The following GPC5 variants were observed in gnomAD, a reference collection of about 807,000 sequenced individuals.
The protein encoded by GPC5 is glypican 5.
Under a neutral mutation model 53.9 loss-of-function variants are expected in GPC5, and 47 were observed. The observed-to-expected ratio is 0.87, with a 90% CI of 0.69 to 1.11. The LOEUF (loss-of-function observed/expected upper bound fraction) is 1.11. GPC5 is among the 50% of genes most tolerant of loss of function. The pLI, the probability that GPC5 is intolerant of heterozygous loss-of-function variation, is 0.00. For synonymous variants in GPC5, 286 were observed against 263.3 expected (o/e 1.09, Z -0.84); for missense variants, 748 against 713.1 (o/e 1.05, Z -0.56).
At chr13:92,380,788 T>A (rs1221333245) in intron 7 of GPC5, among the ~76,000 whole-genome samples, 1 of 149,094 alleles carries the variant, frequency 6.7e-6, no homozygotes, top group Non-Finnish European at 1.5e-5. Flanking sequence ...GGGATAGCAC[T>A]GAGAGATATA....
intron 6 of GPC5, among the ~76,000 whole-genome samples, chr13:92,107,088 T>G (rs2041516020): frequency 6.6e-6 from 1 of 152,104 alleles, no homozygotes. Context: ...AGAACACAAT[T>G]TTTCTCACTT....
chr13:92,643,135 G>A (rs1042255853), intron 7 of GPC5, among the ~76,000 whole-genome samples: 3 of 152,132 alleles, frequency 2.0e-5, no homozygotes, highest in Admixed American at 1.3e-4. Context: ...CCCTTTGTCA[G>A]ATGAGGAGGT....
intron 7 of GPC5, among the ~76,000 whole-genome samples, chr13:92,550,360 G>C (rs962885343): frequency 2.0e-5 from 3 of 151,804 alleles, no homozygotes; most frequent in African/African-American, 7.2e-5. Flanking sequence ...TCTCTATTCA[G>C]TATATATGTC....
At chr13:91,608,516 A>G (rs2139289631) in intron 2 of GPC5, among the ~76,000 whole-genome samples, 1 of 152,276 alleles carries the variant, frequency 6.6e-6, no homozygotes, top group South Asian at 2.1e-4. Context: ...AGGTAGAACC[A>G]TAGTGTCCAC....
chr13:92,858,611 C>T (rs773005682), intron 7 of GPC5, among the ~76,000 whole-genome samples: 6 of 152,018 alleles, frequency 3.9e-5, no homozygotes, highest in Non-Finnish European at 8.8e-5. Context: ...TAAATCTTGC[C>T]TACACACAGA....
chr13:92,026,755 C>T (rs2138799653), intron 6 of GPC5, among the ~76,000 whole-genome samples: 1 of 152,104 alleles, frequency 6.6e-6, no homozygotes, highest in African/African-American at 2.4e-5. Flanking sequence ...GTTGGAAACA[C>T]TGTATTGGTG....
chr13:92,594,138 A>G (rs1414277046), intron 7 of GPC5, among the ~76,000 whole-genome samples: 1 of 152,196 alleles, frequency 6.6e-6, no homozygotes, highest in Non-Finnish European at 1.5e-5. Flanking sequence ...ATATAATTCT[A>G]TTTACTGCTA....
At chr13:92,118,533 G>A (rs1451178555) in intron 6 of GPC5, among the ~76,000 whole-genome samples, 2 of 152,074 alleles carry the variant, frequency 1.3e-5, no homozygotes, top group East Asian at 3.9e-4. Context: ...GTAGAGCTGA[G>A]TGGGAAAACG....
chr13:91,736,126 G>T (rs1213675498), intron 4 of GPC5, among the ~76,000 whole-genome samples: 1 of 151,014 alleles, frequency 6.6e-6, no homozygotes, highest in Non-Finnish European at 1.5e-5. Flanking sequence ...ATATACATTA[G>T]AATGAGTATT....
intron 7 of GPC5, among the ~76,000 whole-genome samples, chr13:92,859,926 A>C (rs1291238195): frequency 6.6e-6 from 1 of 152,168 alleles, no homozygotes; most frequent in African/African-American, 2.4e-5. Flanking sequence ...GAACTGTCAA[A>C]AGATCTAAAC....
At position 91,978,792 on chromosome 13, in the gene GPC5, T is replaced by A. The variant is rs561846293; in HGVS notation, c.1401+70735T>A. On this transcript the variant is annotated intron_variant, in intron 6 of 7. Coordinates refer to ENST00000377067, the MANE Select transcript of GPC5 (RefSeq NM_004466.6). ...GATTATCTGATGGCTTTGTGGAAAA[T>A]GGGTAATATGAGGGCAGGATGATTG... 6.6e-5 allele frequency among the ~76,000 whole-genome samples: 10 copies of A among 152,108 alleles called. No individual in the cohort carries two copies. In the South Asian group the frequency reaches 2.1e-3, roughly 32 times the overall value.
At position 92,144,903 on chromosome 13, in the gene GPC5, A is replaced by AACAAGTCAG; in HGVS notation, c.1476_1484dup (p.Val494_Ser495insArgGlnVal). 1 of 1,609,476 alleles carries AACAAGTCAG rather than the reference A, an allele frequency of 6.2e-7. No individual in the cohort carries two copies. Among genetic ancestry groups the AACAAGTCAG allele is most frequent in the Non-Finnish European group, 8.5e-7 (1 of 1,178,238 alleles). ...CTGGGCAGTGGTGGAGGCATGGTTGAACAAGTCAGTGGGGACTGTGATGAT... is the reference window on the plus strand; with the variant it reads ...CTGGGCAGTGGTGGAGGCATGGTTGAACAAGTCAGACAAGTCAGTGGGGACTGTGATGAT... On this transcript the variant is annotated inframe_insertion, in exon 7 of 8. Transcript: ENST00000377067.
chr13:92,013,008 C>T (rs949774750), intron 6 of GPC5, among the ~76,000 whole-genome samples: 9 of 152,164 alleles, frequency 5.9e-5, no homozygotes, highest in Non-Finnish European at 1.2e-4. Context: ...CCTGTGACCC[C>T]GAAGCCCCAG....
At chr13:91,512,567 G>A (rs1017218520) in intron 2 of GPC5, among the ~76,000 whole-genome samples, 105 of 152,366 alleles carry the variant, frequency 6.9e-4, no homozygotes, top group African/African-American at 2.3e-3. Flanking sequence ...ACACCTCGAG[G>A]TGGGTCACTT....
chr13:92,002,628 T>C (rs2040565652), intron 6 of GPC5, among the ~76,000 whole-genome samples: 1 of 152,092 alleles, frequency 6.6e-6, no homozygotes, highest in African/African-American at 2.4e-5. Context: ...TAAAAACGTA[T>C]GCAAAGAATT....
intron 5 of GPC5, among the ~76,000 whole-genome samples, chr13:91,814,446 T>C (rs1236101025): frequency 6.6e-6 from 1 of 152,204 alleles, no homozygotes; most frequent in Non-Finnish European, 1.5e-5. Context: ...ATATTCGGTA[T>C]TTTTACAAGC....
intron 7 of GPC5, among the ~76,000 whole-genome samples, chr13:92,580,988 G>A (rs868179469): frequency 5.9e-5 from 9 of 152,008 alleles, no homozygotes; most frequent in African/African-American, 2.2e-4. Context: ...TGTACAATAT[G>A]TTTTTGATAT....
chr13:92,159,313 G>A (rs1292560421), intron 7 of GPC5, among the ~76,000 whole-genome samples: 2 of 152,140 alleles, frequency 1.3e-5, no homozygotes, highest in African/African-American at 4.8e-5. Flanking sequence ...TCAAAGCAGA[G>A]AGTCACTCCC....
intron 7 of GPC5, among the ~76,000 whole-genome samples, chr13:92,796,350 C>T (rs891514424): frequency 8.6e-5 from 13 of 151,838 alleles, no homozygotes; most frequent in African/African-American, 2.7e-4. Flanking sequence ...CATCACACAC[C>T]GGGGCCTTTC....
Sources: gnomAD v4.1 joint callset for allele counts (sites outside exome capture counted in the v4.1 genomes callset) on GRCh38, gnomAD v4.1.1 for gene constraint, MANE v1.5 for transcripts, NCBI Gene and HGNC (gene_info 2026-07-23, HGNC 2026-07-21) for gene names.